Variants in CIROZ observed in about 807,000 individuals in gnomAD.
The protein encoded by CIROZ is ciliated left-right organizer ZP-N domains-containing protein.
chr1:10,951,907 T>A, the CIROZ span, among the ~76,000 whole-genome samples: 2 of 151,926 alleles, frequency 1.3e-5, no homozygotes, highest in African/African-American at 2.4e-5. Flanking sequence ...GAAGATTTTT[T>A]AAAAATCTCT....
At chr1:10,959,623 G>A in the CIROZ span, among the ~76,000 whole-genome samples, 1 of 152,326 alleles carries the variant, frequency 6.6e-6, no homozygotes. This position sits in a 1 kb window ranked among gnomAD's most constrained non-coding sequence, Gnocchi z 4.3. Flanking sequence ...ACAGAATGAG[G>A]AGACTGGAGC....
At chr1:10,961,649 A>AT in the CIROZ span, among the ~76,000 whole-genome samples, 5 of 152,284 alleles carry the variant, frequency 3.3e-5, no homozygotes, top group South Asian at 1.0e-3. Flanking sequence ...GATGCTCAAT[A>AT]AATGCTTGTT....
At chr1:10,948,639 G>A in the CIROZ span, 11 of 1,613,762 alleles carry the variant, frequency 6.8e-6, no homozygotes, top group Admixed American at 6.7e-5. Context: ...TGGCAAGACT[G>A]GACGTGGCCG....
the CIROZ span, among the ~76,000 whole-genome samples, chr1:10,978,936 T>C: frequency 1.3e-5 from 2 of 152,102 alleles, no homozygotes; most frequent in Non-Finnish European, 2.9e-5. Context: ...GGTTTTACCA[T>C]AAAAAATTGT....
the CIROZ span, chr1:10,947,567 C>T: frequency 8.4e-6 from 9 of 1,075,504 alleles, no homozygotes; most frequent in Non-Finnish European, 1.1e-5. Flanking sequence ...CGGCCCCCAG[C>T]CCCCACCTCC....
the CIROZ span, chr1:10,957,023 C>A: frequency 6.4e-7 from 1 of 1,550,670 alleles, no homozygotes; most frequent in South Asian, 1.2e-5. Flanking sequence ...TGGGTCTTAC[C>A]CGGTGGGCAA....
chr1:10,949,922 A>C, the CIROZ span: 1 of 1,028,436 alleles, frequency 9.7e-7, no homozygotes, highest in Non-Finnish European at 1.4e-6. Context: ...TGGGGAACGG[A>C]AGCTTGGGGA....
chr1:10,952,238 G>A, the CIROZ span, among the ~76,000 whole-genome samples: 2 of 152,152 alleles, frequency 1.3e-5, no homozygotes, highest in Non-Finnish European at 2.9e-5. Context: ...TGCAGGGGAG[G>A]TGTGCTGGGA....
At chr1:10,963,670 A>G in the CIROZ span, among the ~76,000 whole-genome samples, 2 of 151,936 alleles carry the variant, frequency 1.3e-5, no homozygotes, top group Admixed American at 6.6e-5. Flanking sequence ...TTCTTCCCTG[A>G]TGTTTAAAAT....
chr1:10,976,022 C>T, the CIROZ span: 137 of 677,308 alleles, frequency 2.0e-4, 2 homozygotes, highest in East Asian at 2.2e-3. Flanking sequence ...CTGAAATCCA[C>T]GCTTTGGTGA....
chr1:10,947,921 A>T, the CIROZ span: 1 of 1,613,774 alleles, frequency 6.2e-7, no homozygotes, highest in Non-Finnish European at 8.5e-7. Context: ...CAGGCCAGCC[A>T]GGGGCTGACT....
the CIROZ span, among the ~76,000 whole-genome samples, chr1:10,980,205 CA>C: frequency 6.6e-6 from 1 of 152,252 alleles, no homozygotes; most frequent in African/African-American, 2.4e-5. Flanking sequence ...GGCCAAATGC[CA>C]GGGCCCACAG....
At chr1:10,949,334 C>G in the CIROZ span, 3 of 485,762 alleles carry the variant, frequency 6.2e-6, no homozygotes, top group African/African-American at 5.9e-5. Flanking sequence ...GCTGACCCCC[C>G]ACCCTCTGCT....
chr1:10,956,477 CTTT>C, the CIROZ span, among the ~76,000 whole-genome samples: 5 of 139,702 alleles, frequency 3.6e-5, no homozygotes, highest in Admixed American at 7.3e-5. Flanking sequence ...GATGATTTTA[CTTT>C]TTTTTTTTTT....
chr1:10,948,287 C>T, the CIROZ span: 9 of 1,613,742 alleles, frequency 5.6e-6, no homozygotes, highest in Admixed American at 1.7e-5. Flanking sequence ...TTCCAGAGCA[C>T]GTTTCCTGGG....
chr1:10,967,782 G>A, the CIROZ span, among the ~76,000 whole-genome samples: 1 of 152,152 alleles, frequency 6.6e-6, no homozygotes, highest in South Asian at 2.1e-4. Context: ...GACCAGTCTG[G>A]CCAACATGGT....
the CIROZ span, among the ~76,000 whole-genome samples, chr1:10,960,403 C>A: frequency 0.034 from 5,097 of 151,978 alleles, 272 homozygotes; most frequent in African/African-American, 0.12. The surrounding 1 kb of genome is among the most constrained non-coding windows in gnomAD (Gnocchi z 4.6). Context: ...GAGTGAGACT[C>A]TGTCTCCAAG....
the CIROZ span, among the ~76,000 whole-genome samples, chr1:10,974,385 G>A: frequency 0.31 from 46,806 of 151,732 alleles, 8,555 homozygotes; most frequent in African/African-American, 0.52. This position sits in a 1 kb window ranked among gnomAD's most constrained non-coding sequence, Gnocchi z 4.4. Context: ...AGTAGAGGGT[G>A]GGACGACCAG....
chr1:10,966,469 G>T, the CIROZ span: 1 of 1,534,002 alleles, frequency 6.5e-7, no homozygotes, highest in Non-Finnish European at 8.7e-7. Context: ...GGTGGTCAGG[G>T]GACCTCCAGG....
Sources: allele counts gnomAD v4.1 joint callset (sites outside exome capture counted in the v4.1 genomes callset), GRCh38; gene constraint gnomAD v4.1.1; non-coding constraint Gnocchi (gnomAD v3.1); transcripts MANE v1.5; gene names NCBI Gene and HGNC (gene_info 2026-07-23, HGNC 2026-07-21).